PDGFD: variants seen among roughly 807,000 people sequenced by gnomAD.
PDGFD encodes platelet derived growth factor D.
Under a neutral mutation model 44.7 loss-of-function variants are expected in PDGFD, and 30 were observed. That is an observed-to-expected ratio of 0.67 (90% CI 0.50 to 0.91). PDGFD has a LOEUF of 0.91. Ranked by LOEUF, PDGFD falls within the 40% of genes least tolerant of loss-of-function variation. PDGFD has a pLI of 0.00. For synonymous variants in PDGFD, 173 were observed against 168.4 expected (o/e 1.03, Z -0.21); for missense variants, 445 against 457.8 (o/e 0.97, Z 0.25).
chr11:104,049,064 A>G (rs1860486166), intron 1 of PDGFD, among the ~76,000 whole-genome samples: 1 of 152,188 alleles, frequency 6.6e-6, no homozygotes, highest in South Asian at 2.1e-4. Context: ...TCCAGGACTC[A>G]CGGAACTAGA....
chr11:104,144,290 T>C (rs1349422854), intron 1 of PDGFD, among the ~76,000 whole-genome samples: 2 of 151,786 alleles, frequency 1.3e-5, no homozygotes, highest in South Asian at 2.1e-4. Context: ...GTGGGTCACT[T>C]GAGGTTAGGA....
At chr11:104,002,821 T>C (rs1282765401) in intron 1 of PDGFD, among the ~76,000 whole-genome samples, 1 of 152,240 alleles carries the variant, frequency 6.6e-6, no homozygotes, top group Non-Finnish European at 1.5e-5. Context: ...AAAGCAAATT[T>C]ATTCTAAAAT....
chr11:104,004,759 G>A (rs1487534778), intron 1 of PDGFD, among the ~76,000 whole-genome samples: 4 of 151,518 alleles, frequency 2.6e-5, no homozygotes, highest in Non-Finnish European at 5.9e-5. Context: ...ATTGTTCTAA[G>A]CAATTTGCAT....
intron 3 of PDGFD, among the ~76,000 whole-genome samples, chr11:103,985,950 T>C (rs1859356570): frequency 6.6e-6 from 1 of 152,148 alleles, no homozygotes; most frequent in Admixed American, 6.6e-5. Context: ...TTCATGTATC[T>C]CTCTTTCACA....
chr11:104,090,466 A>C (rs1414720932), intron 1 of PDGFD, among the ~76,000 whole-genome samples: 1 of 151,642 alleles, frequency 6.6e-6, no homozygotes, highest in African/African-American at 2.4e-5. Context: ...CCAAAAAAAA[A>C]AAAAATACAA....
chr11:104,056,295 A>G (rs1389160766), intron 1 of PDGFD, among the ~76,000 whole-genome samples: 1 of 152,188 alleles, frequency 6.6e-6, no homozygotes, highest in African/African-American at 2.4e-5. Context: ...CTATCTAGAC[A>G]TTTGTAGTGG....
At chr11:104,143,708 T>C (rs1195813536) in intron 1 of PDGFD, among the ~76,000 whole-genome samples, 3 of 152,186 alleles carry the variant, frequency 2.0e-5, no homozygotes, top group Admixed American at 2.0e-4. Context: ...CTAGTATACA[T>C]CTAGCTGCCA....
At chr11:104,148,316 A>G (rs1862192325) in intron 1 of PDGFD, among the ~76,000 whole-genome samples, 1 of 152,298 alleles carries the variant, frequency 6.6e-6, no homozygotes, top group East Asian at 1.9e-4. Context: ...TTAATTTTTT[A>G]TGTTGGAAAT....
chr11:104,154,286 C>T (rs1307255545), intron 1 of PDGFD, among the ~76,000 whole-genome samples: 1 of 152,126 alleles, frequency 6.6e-6, no homozygotes, highest in African/African-American at 2.4e-5. Context: ...TTAAGGCTTT[C>T]TCTAATATTG....
intron 3 of PDGFD, among the ~76,000 whole-genome samples, chr11:103,964,608 C>A (rs1435694392): frequency 6.6e-6 from 1 of 152,106 alleles, no homozygotes; most frequent in Non-Finnish European, 1.5e-5. Flanking sequence ...CACTGCCCTA[C>A]CTACCCTGTG....
intron 1 of PDGFD, among the ~76,000 whole-genome samples, chr11:104,093,377 A>C (rs912144070): frequency 2.4e-4 from 37 of 152,172 alleles, no homozygotes; most frequent in African/African-American, 8.2e-4. Flanking sequence ...TATTGAAAAG[A>C]CACATTTTCC....
At chr11:103,964,471 T>C (rs1195838460) in intron 3 of PDGFD, among the ~76,000 whole-genome samples, 1 of 152,232 alleles carries the variant, frequency 6.6e-6, no homozygotes, top group Non-Finnish European at 1.5e-5. Context: ...GAGCCAGGAC[T>C]AGATCCCATG....
intron 1 of PDGFD, among the ~76,000 whole-genome samples, chr11:104,096,922 T>C (rs1450867599): frequency 6.6e-6 from 1 of 152,188 alleles, no homozygotes; most frequent in Non-Finnish European, 1.5e-5. Flanking sequence ...GGTTAGGGCT[T>C]GAATAATCAC....
intron 1 of PDGFD, among the ~76,000 whole-genome samples, chr11:104,082,728 C>T (rs1242588737): frequency 6.6e-6 from 1 of 152,066 alleles, no homozygotes; most frequent in African/African-American, 2.4e-5. Flanking sequence ...AACTTCTGGG[C>T]TCAAGCAATC....
intron 1 of PDGFD, among the ~76,000 whole-genome samples, chr11:104,061,403 G>A (rs1860715051): frequency 6.6e-6 from 1 of 152,172 alleles, no homozygotes. Context: ...TGATATGCCA[G>A]TATTCAGAGA....
At chr11:104,034,564 A>G (rs1193016633) in intron 1 of PDGFD, among the ~76,000 whole-genome samples, 5 of 152,106 alleles carry the variant, frequency 3.3e-5, no homozygotes. Flanking sequence ...TAGGCAGAGG[A>G]TATCGACTAT....
intron 1 of PDGFD, among the ~76,000 whole-genome samples, chr11:104,022,791 G>T (rs527522583): frequency 6.6e-6 from 1 of 151,918 alleles, no homozygotes; most frequent in African/African-American, 2.4e-5. Context: ...TTTAGTGTGT[G>T]TGTGTACATA....
chr11:104,096,710 A>C lies in PDGFD; in HGVS notation c.124+67094T>G, dbSNP rs115588956. Among the ~76,000 whole-genome samples, 1,481 of 152,298 alleles carry C rather than the reference A, an allele frequency of 9.7e-3. 24 individuals are homozygous for C. Among genetic ancestry groups the C allele is most frequent in the African/African-American group, 0.034 (1,394 of 41,576 alleles). ...CCTCATAAGTGGTCAATATTTGATA[A>C]CTTGGACAACAAATCAGGGTATTAT... On this transcript the variant is annotated intron_variant, in intron 1 of 6. Coordinates refer to ENST00000393158, the MANE Select transcript of PDGFD (RefSeq NM_025208.5).
At chr11:104,079,778 A>T (rs1273816516) in intron 1 of PDGFD, among the ~76,000 whole-genome samples, 1 of 139,308 alleles carries the variant, frequency 7.2e-6, no homozygotes, top group African/African-American at 3.0e-5. Flanking sequence ...ATAGGTGAAA[A>T]ATTAATCTTT....
Sources: allele counts gnomAD v4.1 joint callset (sites outside exome capture counted in the v4.1 genomes callset), GRCh38; gene constraint gnomAD v4.1.1; transcripts MANE v1.5; gene names NCBI Gene and HGNC (gene_info 2026-07-23, HGNC 2026-07-21).